The following GPHN variants were observed in gnomAD, a reference collection of about 807,000 sequenced individuals.
The protein encoded by GPHN is gephyrin.
In GPHN, 17 loss-of-function variants were observed where a neutral mutation model predicts 95.5. That is an observed-to-expected ratio of 0.18 (90% confidence interval 0.12 to 0.27). The LOEUF is 0.27. Ranked by LOEUF, GPHN falls within the 10% of genes least tolerant of loss-of-function variation. The pLI, the probability that GPHN is intolerant of heterozygous loss-of-function variation, is 1.00. For missense variants in GPHN, 660 were observed against 978.1 expected, an observed-to-expected ratio of 0.67 and a Z score of 4.34; for synonymous variants, 320 against 322.5, an observed-to-expected ratio of 0.99 and a Z score of 0.08.
chr14:67,602,667 A>G, the GPHN span, among the ~76,000 whole-genome samples: 5 of 152,180 alleles, frequency 3.3e-5, no homozygotes, highest in East Asian at 5.8e-4. Flanking sequence ...AAAATTTAAC[A>G]TTTCTTTTGA....
At chr14:67,294,383 A>G in the GPHN span, 1 of 152,086 alleles carries the variant, frequency 6.6e-6, no homozygotes, top group Non-Finnish European at 1.5e-5. Context: ...AAATGGACCC[A>G]TTGCCTTTAT....
At chr14:67,240,579 A>G in the GPHN span, among the ~76,000 whole-genome samples, 1 of 152,220 alleles carries the variant, frequency 6.6e-6, no homozygotes, top group Non-Finnish European at 1.5e-5. Context: ...CTGTCAAGAC[A>G]GAGACCATCC....
At position 67,144,242 on chromosome 14, in the gene GPHN, A is replaced by AT. The variant is rs1567399860; in HGVS notation, c.1836+793_1836+794insT. ...ACACAGCAAGACCCTGTCTTAAAAA[A>AT]AAAAAAAAATATATATATATATATA... On this transcript the variant is annotated intron_variant, in intron 18 of 22. Coordinates refer to ENST00000478722, the MANE Select transcript of GPHN (RefSeq NM_020806.5). 3.1e-4 allele frequency among the ~76,000 whole-genome samples: 21 copies of AT among 68,062 alleles called. 1 individual carries two copies. The highest frequency in any genetic ancestry group is 1.3e-3 in the African/African-American group (17 of 12,608). 44.7% of individuals were successfully genotyped at this position (68,062 alleles called of 152,430 possible).
At chr14:67,473,432 G>C in the GPHN span, 1 of 1,613,960 alleles carries the variant, frequency 6.2e-7, no homozygotes, top group South Asian at 1.1e-5. The surrounding 1 kb of genome is among the most constrained non-coding windows in gnomAD (Gnocchi z 6.5). Flanking sequence ...AGTCAGTCTT[G>C]ACATGGCCGT....
At chr14:67,722,563 C>T in the GPHN span, 1 of 1,213,086 alleles carries the variant, frequency 8.2e-7, no homozygotes, top group Non-Finnish European at 1.2e-6. Context: ...AGAGCTGGAG[C>T]CAGACCAGGA....
the GPHN span, among the ~76,000 whole-genome samples, chr14:67,723,242 A>T: frequency 1.3e-5 from 2 of 152,026 alleles, no homozygotes; most frequent in Non-Finnish European, 2.9e-5. Context: ...GAGAATTTTT[A>T]AATTTCTCTT....
chr14:67,599,683 T>C, the GPHN span, among the ~76,000 whole-genome samples: 1 of 152,142 alleles, frequency 6.6e-6, no homozygotes, highest in African/African-American at 2.4e-5. Context: ...TTCCTTGAAC[T>C]CTTGGAATTA....
chr14:66,709,702 A>G (rs1566851283), intron 2 of GPHN, among the ~76,000 whole-genome samples: 1 of 152,194 alleles, frequency 6.6e-6, no homozygotes, highest in South Asian at 2.1e-4. Context: ...TTGCTGGGCA[A>G]AGTCCCTCAT....
intron 3 of GPHN, among the ~76,000 whole-genome samples, chr14:66,782,115 A>G (rs771376319): frequency 2.6e-5 from 4 of 152,176 alleles, no homozygotes; most frequent in Admixed American, 6.5e-5. Context: ...TTGTTTTTCC[A>G]GCCCATGGGA....
At chr14:67,533,084 CG>C in the GPHN span, among the ~76,000 whole-genome samples, 1 of 152,138 alleles carries the variant, frequency 6.6e-6, no homozygotes, top group Non-Finnish European at 1.5e-5. Context: ...TGTGCCTCTC[CG>C]CGAGCTGCCT....
chr14:67,447,407 A>C, the GPHN span: 1 of 152,254 alleles, frequency 6.6e-6, no homozygotes, highest in Non-Finnish European at 1.5e-5. Flanking sequence ...GAAGATTTGA[A>C]TTTAAAGCAA....
At chr14:67,536,605 G>T in the GPHN span, among the ~76,000 whole-genome samples, 1 of 151,674 alleles carries the variant, frequency 6.6e-6, no homozygotes, top group African/African-American at 2.4e-5. Context: ...TTTCTTTTAG[G>T]GTCCTGTATT....
At position 67,026,629 on chromosome 14, in the gene GPHN, A is replaced by AT. The variant is rs576350473; in HGVS notation, c.1006+2963dup. 3.1e-3 allele frequency among the ~76,000 whole-genome samples: 474 copies of AT among 151,096 alleles called. 4 individuals are homozygous for AT. Among genetic ancestry groups the AT allele is most frequent in the African/African-American group, 0.011 (443 of 41,232 alleles). On this transcript the variant is annotated intron_variant, in intron 10 of 22. Transcript: ENST00000478722. The stretch of plus-strand genomic sequence containing the variant: ...TTCAGACCTTGATTTTATAGCCCAC[A>AT]TTTTTTTTTGTTTGTTTGTTTTGTT...
At chr14:67,350,522 ATT>A in the GPHN span, 1 of 1,180,572 alleles carries the variant, frequency 8.5e-7, no homozygotes, top group Non-Finnish European at 1.2e-6. Flanking sequence ...CTTAACGCTT[ATT>A]TCTAAATTAA....
the GPHN span, chr14:67,397,869 G>C: frequency 6.5e-7 from 1 of 1,546,074 alleles, no homozygotes; most frequent in South Asian, 1.2e-5. Flanking sequence ...CGGTCAGTGG[G>C]AGGGTATGGT....
chr14:67,579,430 A>T, the GPHN span: 4 of 824,858 alleles, frequency 4.8e-6, no homozygotes, highest in South Asian at 2.1e-5. Context: ...AGTAGATATT[A>T]TGAACTCACT....
intron 4 of GPHN, among the ~76,000 whole-genome samples, chr14:66,827,793 T>C (rs2061436987): frequency 6.6e-6 from 1 of 152,110 alleles, no homozygotes; most frequent in Non-Finnish European, 1.5e-5. Flanking sequence ...CTCTATATTA[T>C]ATAAATCAGA....
intron 4 of GPHN, among the ~76,000 whole-genome samples, chr14:66,852,915 A>C (rs2062650655): frequency 6.6e-6 from 1 of 152,198 alleles, no homozygotes; most frequent in South Asian, 2.1e-4. Context: ...TTTGTATCTT[A>C]TTATAACATC....
At chr14:66,772,281 C>A (rs1178231429) in intron 2 of GPHN, among the ~76,000 whole-genome samples, 1 of 152,208 alleles carries the variant, frequency 6.6e-6, no homozygotes, top group Non-Finnish European at 1.5e-5. Context: ...CTGGGAGAAG[C>A]CACAGTTAAC....
Sources: gnomAD v4.1 joint callset for allele counts (sites outside exome capture counted in the v4.1 genomes callset) on GRCh38, gnomAD v4.1.1 for gene constraint, Gnocchi (gnomAD v3.1) non-coding constraint, MANE v1.5 for transcripts, NCBI Gene and HGNC (gene_info 2026-07-23, HGNC 2026-07-21) for gene names.